The following SND1 variants were observed in gnomAD, a reference collection of about 807,000 sequenced individuals.
The protein encoded by SND1 is staphylococcal nuclease domain-containing protein 1.
In SND1, 38 loss-of-function variants were observed where a neutral mutation model predicts 121.7. That is an observed-to-expected ratio of 0.31 (90% CI 0.24 to 0.41). SND1 has a LOEUF of 0.41. Ranked by LOEUF, SND1 falls within the 10% of genes least tolerant of loss-of-function variation. The pLI is 1.00. For synonymous variants in SND1, 401 were observed against 447.4 expected (o/e 0.90, Z 1.31); for missense variants, 868 against 1,184.6 (o/e 0.73, Z 3.92).
intron 11 of SND1, among the ~76,000 whole-genome samples, chr7:127,814,611 T>C (rs189027189): frequency 1.3e-5 from 2 of 152,160 alleles, no homozygotes; most frequent in Admixed American, 6.6e-5. Flanking sequence ...ATACTAGATA[T>C]AAATTTTCTA....
At chr7:127,749,917 G>A (rs1797055412) in intron 10 of SND1, among the ~76,000 whole-genome samples, 1 of 152,154 alleles carries the variant, frequency 6.6e-6, no homozygotes, top group Non-Finnish European at 1.5e-5. Flanking sequence ...GACCAACTTG[G>A]ACAACATAGT....
chr7:127,952,759 G>A (rs1259832901), intron 15 of SND1, among the ~76,000 whole-genome samples: 1 of 152,114 alleles, frequency 6.6e-6, no homozygotes, highest in African/African-American at 2.4e-5. Context: ...CATAATTAAC[G>A]TGAACATTTT....
chr7:127,807,723 T>C, intron 11 of SND1, 150 bp downstream of exon 11: 1 of 660,932 alleles, frequency 1.5e-6, no homozygotes, highest in Non-Finnish European at 2.7e-6. Context: ...AGAGGCGTGT[T>C]TATGTGTCAG....
intron 16 of SND1, among the ~76,000 whole-genome samples, chr7:128,056,994 C>T (rs954418756): frequency 3.3e-5 from 5 of 152,044 alleles, no homozygotes; most frequent in African/African-American, 7.2e-5. Context: ...GAGTTACAGG[C>T]GGGTAGCATC....
At chr7:127,987,725 A>G (rs1010335187) in intron 15 of SND1, among the ~76,000 whole-genome samples, 13 of 147,868 alleles carry the variant, frequency 8.8e-5, no homozygotes, top group Non-Finnish European at 1.3e-4. Context: ...TTGTCCCACT[A>G]GAGGTTTTAA....
intron 13 of SND1, among the ~76,000 whole-genome samples, chr7:127,892,056 C>T (rs1017853137): frequency 5.3e-5 from 8 of 152,058 alleles, no homozygotes; most frequent in South Asian, 2.1e-4. Context: ...CTGGTGATAT[C>T]GGCAGTGGTG....
At chr7:127,901,397 G>A (rs1224679004) in intron 13 of SND1, among the ~76,000 whole-genome samples, 1 of 152,126 alleles carries the variant, frequency 6.6e-6, no homozygotes, top group African/African-American at 2.4e-5. Context: ...CTCTTTCGTG[G>A]AGAATCTCTT....
At chr7:127,935,117 A>T (rs533488437) in intron 15 of SND1, among the ~76,000 whole-genome samples, 76 of 152,346 alleles carry the variant, frequency 5.0e-4, no homozygotes, top group Non-Finnish European at 9.6e-4. Flanking sequence ...GTACAGTTTC[A>T]TCAGAGTTGA....
intron 1 of SND1, among the ~76,000 whole-genome samples, chr7:127,674,585 G>A (rs1795584589): frequency 6.6e-6 from 1 of 152,222 alleles, no homozygotes; most frequent in Admixed American, 6.5e-5. Flanking sequence ...GCTGACCAAG[G>A]GGAGTGTTTA....
chr7:128,042,461 G>C (rs1479518900), intron 16 of SND1: 1 of 152,296 alleles, frequency 6.6e-6, no homozygotes, highest in African/African-American at 2.4e-5. Context: ...ATGCAAGAGA[G>C]ACAGTAAGTG....
At chr7:127,900,126 C>G (rs1800199912) in intron 13 of SND1, among the ~76,000 whole-genome samples, 1 of 152,148 alleles carries the variant, frequency 6.6e-6, no homozygotes, top group African/African-American at 2.4e-5. Context: ...CTCCTGCTCC[C>G]TCAGAAAATT....
At chr7:127,740,271 G>A (rs968158911) in intron 10 of SND1, among the ~76,000 whole-genome samples, 6 of 152,176 alleles carry the variant, frequency 3.9e-5, no homozygotes, top group African/African-American at 1.4e-4. Context: ...CTATTGAATG[G>A]ATAAGGTTTG....
At chr7:127,836,710 T>C (rs1051649206) in intron 11 of SND1, among the ~76,000 whole-genome samples, 1 of 152,202 alleles carries the variant, frequency 6.6e-6, no homozygotes, top group African/African-American at 2.4e-5. Flanking sequence ...AATTATTAAC[T>C]ACAAAAACAG....
chr7:127,880,271 A>T (rs1016681456), intron 12 of SND1, among the ~76,000 whole-genome samples: 1 of 152,090 alleles, frequency 6.6e-6, no homozygotes, highest in African/African-American at 2.4e-5. Flanking sequence ...ATTAGTAGTT[A>T]TTGTTGTTAA....
intron 8 of SND1, 94 bp from the exon 9 acceptor site, chr7:127,707,463 G>A: frequency 1.1e-6 from 1 of 893,130 alleles, no homozygotes; most frequent in East Asian, 2.4e-5. Flanking sequence ...CATCTATAGG[G>A]TAGAGTAGGA....
chr7:127,696,542 G>A (rs1796009909), intron 3 of SND1, among the ~76,000 whole-genome samples: 1 of 152,136 alleles, frequency 6.6e-6, no homozygotes, highest in Non-Finnish European at 1.5e-5. Context: ...CAATTGTTAA[G>A]GATTTCATTA....
intron 9 of SND1, among the ~76,000 whole-genome samples, chr7:127,713,900 T>C (rs1363801023): frequency 6.6e-6 from 1 of 152,224 alleles, no homozygotes; most frequent in Non-Finnish European, 1.5e-5. Flanking sequence ...TTAGCTGAGC[T>C]TGCCCGAGAC....
At chr7:127,809,721 T>C (rs1214311992) in intron 11 of SND1, among the ~76,000 whole-genome samples, 1 of 152,210 alleles carries the variant, frequency 6.6e-6, no homozygotes, top group African/African-American at 2.4e-5. Context: ...CCTAGACTAT[T>C]ATTTGACCTT....
chr7:127,905,149 G>C (rs6956777), intron 14 of SND1, among the ~76,000 whole-genome samples: 2,468 of 152,232 alleles, frequency 0.016, 90 homozygotes, highest in African/African-American at 0.057. Context: ...CCCCTGTCCA[G>C]TTCTTGCTGT....
Sources: gnomAD v4.1 joint callset for allele counts (sites outside exome capture counted in the v4.1 genomes callset) on GRCh38, gnomAD v4.1.1 for gene constraint, MANE v1.5 for transcripts, NCBI Gene and HGNC (gene_info 2026-07-23, HGNC 2026-07-21) for gene names.